The following IKZF1 variants were observed in gnomAD, a reference collection of about 807,000 sequenced individuals.
The protein encoded by IKZF1 is DNA-binding protein Ikaros.
In IKZF1, 10 loss-of-function variants were observed where a neutral mutation model predicts 51.7. That is an observed-to-expected ratio of 0.19 (90% CI 0.12 to 0.33). IKZF1 has a LOEUF of 0.33. Among genes scored for constraint, IKZF1 ranks in the 10% least tolerant of loss-of-function variants. The pLI is 1.00. For missense variants in IKZF1, 484 were observed against 707.5 expected (o/e 0.68, Z 3.58); for synonymous variants, 280 against 282.3 (o/e 0.99, Z 0.08).
intron 3 of IKZF1, among the ~76,000 whole-genome samples, chr7:50,370,394 G>T (rs990678557): frequency 5.3e-5 from 8 of 152,194 alleles, no homozygotes; most frequent in African/African-American, 1.9e-4. Flanking sequence ...TACAGTGCCT[G>T]GCACAGATTC....
intron 5 of IKZF1, among the ~76,000 whole-genome samples, chr7:50,384,060 G>A (rs1461225315): frequency 6.6e-6 from 1 of 152,242 alleles, no homozygotes; most frequent in Non-Finnish European, 1.5e-5. Flanking sequence ...TAAGGAAGGG[G>A]ACAGTGGGTC....
chr7:50,391,890 T>TA (rs534807777), intron 7 of IKZF1, 27 bp downstream of exon 7: 303 of 1,578,788 alleles, frequency 1.9e-4, no homozygotes, highest in South Asian at 4.5e-4. Flanking sequence ...TGCTGTCTCT[T>TA]AAAAAAAAAC....
Position 50,403,482 on chromosome 7 carries a change from A to AGCTAGTAATCGCTGTGTCTTGTTCC in IKZF1, c.*2858_*2882dup. On this transcript the variant is annotated 3_prime_UTR_variant, in exon 8 of 8. Coordinates refer to ENST00000331340, the MANE Select transcript of IKZF1 (RefSeq NM_006060.6). ...GGTAACAGGTTGGCCTGTTGATTAC[A>AGCTAGTAATCGCTGTGTCTTGTTCC]GCTAGTAATCGCTGTGTCTTGTTCC... is the stretch of plus-strand genomic sequence containing the variant. 1 of 228,484 alleles carries AGCTAGTAATCGCTGTGTCTTGTTCC rather than the reference A, an allele frequency of 4.4e-6. No homozygotes were observed. The highest frequency in any genetic ancestry group is 6.2e-5 in the East Asian group (1 of 16,112). The allele number at this position is 228,484 out of a possible 1,614,324, so 14.2% of individuals were successfully genotyped here. A position where few individuals can be genotyped will look rare whatever the true frequency, so the allele number is the denominator to read the frequency against.
chr7:50,364,872 G>A (rs1398288686), intron 3 of IKZF1, among the ~76,000 whole-genome samples: 3 of 152,200 alleles, frequency 2.0e-5, no homozygotes, highest in East Asian at 3.8e-4. Context: ...GGACCAGTGA[G>A]GTCCCTGAGG....
chr7:50,308,012 A>G (rs1307862087), intron 1 of IKZF1, among the ~76,000 whole-genome samples: 1 of 152,150 alleles, frequency 6.6e-6, no homozygotes, highest in Admixed American at 6.5e-5. Context: ...ATCTCAGGTT[A>G]CCTTTCCACA....
chr7:50,336,458 C>A (rs1797806597), intron 3 of IKZF1, among the ~76,000 whole-genome samples: 1 of 152,124 alleles, frequency 6.6e-6, no homozygotes, highest in Non-Finnish European at 1.5e-5. Context: ...CGCTCTGAGG[C>A]TGAGGAATAA....
chr7:50,383,509 G>A (rs1468659526), intron 5 of IKZF1, among the ~76,000 whole-genome samples: 2 of 152,166 alleles, frequency 1.3e-5, no homozygotes, highest in Admixed American at 6.5e-5. Flanking sequence ...GCTCTTGGCC[G>A]GCCTGTCATG....
At chr7:50,319,198 G>C in intron 2 of IKZF1, 97 bp downstream of exon 2, 1 of 904,698 alleles carries the variant, frequency 1.1e-6, no homozygotes, top group Non-Finnish European at 1.8e-6. Context: ...GGGAGGAATA[G>C]GGGCTATTCT....
At chr7:50,310,541 A>G (rs1324927745) in intron 1 of IKZF1, among the ~76,000 whole-genome samples, 1 of 152,210 alleles carries the variant, frequency 6.6e-6, no homozygotes. Context: ...AAGAGATCAT[A>G]GGCCACAAAT....
At chr7:50,304,292 C>G (rs952815824), upstream of IKZF1, 1 of 149,458 alleles carries the variant, frequency 6.7e-6, no homozygotes. Flanking sequence ...CTCTCCGTGT[C>G]CCGCTCTGCG....
chr7:50,400,124 C>A lies in IKZF1; in HGVS notation c.1057C>A (p.Pro353Thr). Residue 353 changes from proline to threonine, a missense_variant, in exon 8 of 8, where the codon CCG becomes ACG. Coordinates refer to ENST00000331340, the MANE Select transcript of IKZF1 (RefSeq NM_006060.6). The surrounding 1 kb of genome is among the most constrained non-coding windows in gnomAD (Gnocchi z 5.4). ...VISPMYQLHKPLAEGTPRSNH... is the reference protein window; with the variant it reads ...VISPMYQLHKTLAEGTPRSNH... The stretch of plus-strand genomic sequence containing the variant: ...CAGCCCGATGTACCAGCTGCACAAG[C>A]CGCTCGCGGAGGGCACCCCGCGCTC... The A allele has an allele frequency of 6.4e-7, 1 of 1,562,904 alleles. No homozygotes were observed. Among genetic ancestry groups the A allele is most frequent in the Admixed American group, 1.9e-5 (1 of 52,018 alleles).
At chr7:50,353,018 C>T (rs187144742) in intron 3 of IKZF1, among the ~76,000 whole-genome samples, 38 of 152,268 alleles carry the variant, frequency 2.5e-4, no homozygotes, top group Middle Eastern at 6.8e-3. Flanking sequence ...TGATGGCTGT[C>T]CACGCCTCTT....
intron 4 of IKZF1, 79 bp from the exon 5 acceptor site, chr7:50,382,461 G>A: frequency 1.3e-6 from 2 of 1,485,406 alleles, no homozygotes; most frequent in Admixed American, 2.1e-5. Context: ...GCCCCCGTGG[G>A]AAACAACTTT....
chr7:50,310,035 T>G (rs1789781515), intron 1 of IKZF1, among the ~76,000 whole-genome samples: 1 of 152,218 alleles, frequency 6.6e-6, no homozygotes, highest in South Asian at 2.1e-4. Flanking sequence ...AAGCTGATAT[T>G]CAAAGAGATT....
chr7:50,316,059 T>G (rs1791468965), intron 1 of IKZF1, among the ~76,000 whole-genome samples: 2 of 152,162 alleles, frequency 1.3e-5, no homozygotes, highest in Admixed American at 1.3e-4. Flanking sequence ...TTTTAGCCTT[T>G]CTCTGGAAGC....
chr7:50,387,090 G>C (rs754088692), intron 5 of IKZF1, among the ~76,000 whole-genome samples: 23 of 152,212 alleles, frequency 1.5e-4, no homozygotes, highest in Non-Finnish European at 2.8e-4. Context: ...ATTGAAGCAG[G>C]AGAGAATTTG....
At chr7:50,374,304 G>A (rs978888302) in intron 3 of IKZF1, among the ~76,000 whole-genome samples, 1 of 152,176 alleles carries the variant, frequency 6.6e-6, no homozygotes, top group Admixed American at 6.5e-5. Flanking sequence ...CGTATCCATA[G>A]GTTCTATAGG....
chr7:50,355,007 A>G (rs1457535134), intron 3 of IKZF1, among the ~76,000 whole-genome samples: 1 of 152,122 alleles, frequency 6.6e-6, no homozygotes, highest in Non-Finnish European at 1.5e-5. Flanking sequence ...AGATTCCCAT[A>G]GGAAGCTTCT....
intron 6 of IKZF1, 50 bp from the exon 7 acceptor site, chr7:50,391,678 AC>A: frequency 6.2e-7 from 1 of 1,605,534 alleles, no homozygotes; most frequent in Non-Finnish European, 8.5e-7. Context: ...ACGCGACTGA[AC>A]CCTTTAAACA....
Sources: gnomAD v4.1 joint callset for allele counts (sites outside exome capture counted in the v4.1 genomes callset) on GRCh38, gnomAD v4.1.1 for gene constraint, Gnocchi (gnomAD v3.1) non-coding constraint, MANE v1.5 for transcripts, NCBI Gene and HGNC (gene_info 2026-07-23, HGNC 2026-07-21) for gene names.